C2orf80: variants seen among roughly 807,000 people sequenced by gnomAD.
C2orf80 encodes the protein uncharacterized protein C2orf80.
A neutral mutation model predicts 30.2 loss-of-function variants in C2orf80; 28 were observed. That is an observed-to-expected ratio of 0.93 (90% confidence interval 0.69 to 1.27). The LOEUF (loss-of-function observed/expected upper bound fraction) is 1.27. Ranked by LOEUF, C2orf80 falls within the 50% of genes most tolerant of loss-of-function variation. C2orf80 has a pLI of 0.00. For synonymous variants in C2orf80, 80 were observed against 76.4 expected (o/e 1.05, Z -0.24); for missense variants, 220 against 231.0 (o/e 0.95, Z 0.31).
chr2:208,181,519 T>A (rs1456353819), intron 4 of C2orf80, among the ~76,000 whole-genome samples: 1 of 152,186 alleles, frequency 6.6e-6, no homozygotes, highest in Non-Finnish European at 1.5e-5. Flanking sequence ...GCCTCATCTA[T>A]CCATGTTTTC....
intron 6 of C2orf80, among the ~76,000 whole-genome samples, chr2:208,178,476 T>C (rs1245501333): frequency 6.6e-6 from 1 of 152,134 alleles, no homozygotes; most frequent in East Asian, 1.9e-4. Context: ...TAAAGCAGTA[T>C]GATTTGCTTG....
In C2orf80 at chr2:208,171,083, C is replaced by T; in HGVS notation, c.455-20G>A. 1.3e-6 allele frequency: 2 copies of T among 1,535,534 alleles called. No homozygotes were observed. Among genetic ancestry groups the T allele is most frequent in the Non-Finnish European group, 1.8e-6 (2 of 1,110,792 alleles). On this transcript the variant is annotated intron_variant, in intron 7 of 8. Transcript: ENST00000341287. ...TGACACCTACAGACAGATGCAGTAACCATATCTGTATATAAAACTTTTTTA... is the reference window on the plus strand; with the variant it reads ...TGACACCTACAGACAGATGCAGTAATCATATCTGTATATAAAACTTTTTTA...
At chr2:208,167,066 G>C (rs891593197) in intron 8 of C2orf80, among the ~76,000 whole-genome samples, 1 of 152,146 alleles carries the variant, frequency 6.6e-6, no homozygotes, top group African/African-American at 2.4e-5. Context: ...AGCACAGAGA[G>C]ATTAGGTAAC....
intron 6 of C2orf80, among the ~76,000 whole-genome samples, chr2:208,172,931 A>G (rs1309943641): frequency 6.6e-6 from 1 of 151,838 alleles, no homozygotes; most frequent in Non-Finnish European, 1.5e-5. Context: ...AGCCTGGCCA[A>G]CATGGCAAAA....
intron 6 of C2orf80, among the ~76,000 whole-genome samples, chr2:208,177,046 A>T (rs1019277575): frequency 3.3e-3 from 266 of 81,106 alleles, no homozygotes; most frequent in African/African-American, 0.011. Context: ...ACACATATAT[A>T]CTATATACAT....
chr2:208,186,168 CATAT>C (rs1419183297), intron 2 of C2orf80, among the ~76,000 whole-genome samples: 4 of 151,398 alleles, frequency 2.6e-5, no homozygotes, highest in African/African-American at 9.6e-5. Flanking sequence ...TATGAATTCA[CATAT>C]ATGTGTATAC....
intron 3 of C2orf80, among the ~76,000 whole-genome samples, chr2:208,183,653 G>C (rs1696630888): frequency 6.6e-6 from 1 of 152,132 alleles, no homozygotes; most frequent in Non-Finnish European, 1.5e-5. Flanking sequence ...AGCTGCATTG[G>C]AGCTGGGGCT....
chr2:208,170,495 G>A (rs7596778), intron 8 of C2orf80, among the ~76,000 whole-genome samples: 135,653 of 152,208 alleles, frequency 0.89, 60,569 homozygotes, highest in Non-Finnish European at 0.92. Context: ...AATTATTATT[G>A]CTGAGAGAGG....
chr2:208,175,148 C>A (rs1180300209), intron 6 of C2orf80, among the ~76,000 whole-genome samples: 2 of 150,168 alleles, frequency 1.3e-5, no homozygotes, highest in Non-Finnish European at 3.0e-5. Context: ...TAGCCGTGCG[C>A]AGTGGCGCGC....
In C2orf80 at chr2:208,171,921, G is replaced by A. The variant is rs1696111817; in HGVS notation, c.454+67C>T. 10 of 1,313,740 alleles carry A rather than the reference G, an allele frequency of 7.6e-6. No individual in the cohort carries two copies. The Admixed American group carries it at 1.5e-4, about 20-fold the overall frequency. 81.4% of individuals were successfully genotyped at this position (1,313,740 alleles called of 1,614,324 possible). A position where few individuals can be genotyped will look rare whatever the true frequency, so the allele number is the denominator to read the frequency against. On this transcript the variant is annotated intron_variant, in intron 7 of 8. Transcript: ENST00000341287. ...CATTACAATTTTGACCTTACCTGGTGAGCCTACTTCCTAATTTCCTAGTTT... is the reference window on the plus strand; with the variant it reads ...CATTACAATTTTGACCTTACCTGGTAAGCCTACTTCCTAATTTCCTAGTTT...
intron 8 of C2orf80, among the ~76,000 whole-genome samples, chr2:208,170,024 T>C (rs1277665366): frequency 2.6e-5 from 4 of 152,136 alleles, no homozygotes; most frequent in African/African-American, 9.7e-5. Context: ...GAGATTCAAT[T>C]TAAAAATGCA....
chr2:208,179,297 T>C (rs1212472077), intron 6 of C2orf80, among the ~76,000 whole-genome samples: 2 of 152,246 alleles, frequency 1.3e-5, no homozygotes, highest in Admixed American at 6.5e-5. Flanking sequence ...TTGGTTTCAA[T>C]GTAAACACTT....
rs1194790738 is a variant in C2orf80 at position 208,181,210 on chromosome 2, T to G, written c.294+8A>C. On this transcript the variant is annotated splice_region_variant and intron_variant, in intron 5 of 8. Coordinates refer to ENST00000341287, the MANE Select transcript of C2orf80 (RefSeq NM_001099334.3). The stretch of plus-strand genomic sequence containing the variant: ...ATTCATATAGGCAGATAGTATTCTT[T>G]TCCTTACCATTAAGATTCCAGCATA... 10 of 1,559,646 alleles carry G rather than the reference T, an allele frequency of 6.4e-6. No homozygotes were observed. Among genetic ancestry groups the G allele is most frequent in the African/African-American group, 1.4e-5 (1 of 73,760 alleles).
chr2:208,185,100 T>TC (rs1242512253), intron 2 of C2orf80, 68 bp from the exon 3 acceptor site: 4 of 1,173,182 alleles, frequency 3.4e-6, no homozygotes, highest in Non-Finnish European at 4.9e-6. Context: ...AAAAGGCTTT[T>TC]TTTTTTCCCA....
Position 208,165,546 on chromosome 2 carries a change from T to C in C2orf80, c.*261A>G. On this transcript the variant is annotated 3_prime_UTR_variant, in exon 9 of 9. Transcript: ENST00000341287. ...CCAGCTTGCTCTAACACAGAAATAC[T>C]ATATACTTTCTGAATTCTCCAGCAG... 2 of 411,924 alleles carry C rather than the reference T, an allele frequency of 4.9e-6. No individual in the cohort carries two copies. The highest frequency in any genetic ancestry group is 8.7e-6 in the Non-Finnish European group (2 of 230,264). The allele number at this position is 411,924 out of a possible 1,614,324, so 25.5% of individuals were successfully genotyped here. A position where few individuals can be genotyped will look rare whatever the true frequency, so the allele number is the denominator to read the frequency against.
rs76941863 is a variant in C2orf80 at position 208,184,118 on chromosome 2, T to C, written c.123+833A>G. On this transcript the variant is annotated intron_variant, in intron 3 of 8. Transcript: ENST00000341287. Reference sequence around the variant, plus strand: ...CAAATGTTGCAACCGGATCCAAAGTTTGATGCCTTGGCATCACTTGTTTGG... The same window carrying C: ...CAAATGTTGCAACCGGATCCAAAGTCTGATGCCTTGGCATCACTTGTTTGG... 8.6e-4 allele frequency among the ~76,000 whole-genome samples: 131 copies of C among 152,340 alleles called. No individual in the cohort carries two copies. The East Asian group carries it at 0.022, about 26-fold the overall frequency.
intron 5 of C2orf80, 25 bp from the exon 6 acceptor site, chr2:208,180,841 A>G (rs1456992852): frequency 6.3e-7 from 1 of 1,591,238 alleles, no homozygotes. Context: ...CAGCAATAAC[A>G]AAGTATGATC....
At chr2:208,187,333 G>T (rs1364468094) in intron 1 of C2orf80, among the ~76,000 whole-genome samples, 1 of 152,310 alleles carries the variant, frequency 6.6e-6, no homozygotes, top group Non-Finnish European at 1.5e-5. Flanking sequence ...AATGGTTTGT[G>T]TAATAGCTGA....
At chr2:208,177,401 C>T (rs989940675) in intron 6 of C2orf80, among the ~76,000 whole-genome samples, 2 of 151,762 alleles carry the variant, frequency 1.3e-5, no homozygotes, top group Non-Finnish European at 2.9e-5. Context: ...ATTAGCCAGG[C>T]GTGGTAACGC....
Sources: gnomAD v4.1 joint callset for allele counts (sites outside exome capture counted in the v4.1 genomes callset) on GRCh38, gnomAD v4.1.1 for gene constraint, MANE v1.5 for transcripts, NCBI Gene and HGNC (gene_info 2026-07-23, HGNC 2026-07-21) for gene names.